SORCS3: variants seen among roughly 807,000 people sequenced by gnomAD.
SORCS3 encodes sortilin related VPS10 domain containing receptor 3, also known as VPS10 domain-containing receptor SorCS3.
Under a neutral mutation model 146.3 loss-of-function variants are expected in SORCS3, and 57 were observed. That is an observed-to-expected ratio of 0.39 (90% CI 0.31 to 0.49). The LOEUF is 0.49. SORCS3 is among the 20% of genes least tolerant of loss of function. SORCS3 has a pLI of 0.92. For missense variants in SORCS3, 1,341 were observed against 1,575.5 expected (o/e 0.85, Z 2.52); for synonymous variants, 653 against 618.5 (o/e 1.06, Z -0.83).
intron 16 of SORCS3, among the ~76,000 whole-genome samples, chr10:105,202,523 A>G (rs2056579989): frequency 6.6e-6 from 1 of 152,100 alleles, no homozygotes; most frequent in Admixed American, 6.5e-5. Flanking sequence ...ATACCCTGGC[A>G]CAGTCTAGTA....
At chr10:104,735,477 T>TTTTTTTTTTTTTTTTTTTC (rs1564671258) in intron 1 of SORCS3, among the ~76,000 whole-genome samples, 1 of 141,878 alleles carries the variant, frequency 7.0e-6, no homozygotes, top group Non-Finnish European at 1.5e-5. Context: ...TTTTTTTTTT[T>TTTTTTTTTTTTTTTTTTTC]AATCAATCCC....
intron 20 of SORCS3, among the ~76,000 whole-genome samples, chr10:105,240,756 A>G (rs2056817149): frequency 2.0e-5 from 3 of 151,934 alleles, no homozygotes; most frequent in South Asian, 4.2e-4. Context: ...TGTAATCCAA[A>G]CTTCCTGAAA....
chr10:104,686,141 C>T (rs1204084657), intron 1 of SORCS3, among the ~76,000 whole-genome samples: 2 of 152,052 alleles, frequency 1.3e-5, no homozygotes, highest in Non-Finnish European at 2.9e-5. Flanking sequence ...TCTCGCAGGC[C>T]ACCATCACTA....
At chr10:104,686,977 C>G (rs2016052066) in intron 1 of SORCS3, among the ~76,000 whole-genome samples, 1 of 152,110 alleles carries the variant, frequency 6.6e-6, no homozygotes, top group South Asian at 2.1e-4. Context: ...TTCCATTCAT[C>G]TATCCATCCA....
intron 5 of SORCS3, among the ~76,000 whole-genome samples, chr10:105,087,517 G>A (rs889153047): frequency 6.6e-5 from 10 of 150,498 alleles, no homozygotes; most frequent in African/African-American, 2.0e-4. Context: ...AAGAAACCGG[G>A]TGGCTTCAGA....
chr10:104,780,967 T>C (rs2017367621), intron 1 of SORCS3, among the ~76,000 whole-genome samples: 1 of 152,224 alleles, frequency 6.6e-6, no homozygotes, highest in African/African-American at 2.4e-5. Flanking sequence ...TTCTCTAATA[T>C]CAGAGAGTCA....
At position 105,178,166 on chromosome 10, in the gene SORCS3, A is replaced by C. The variant is rs1413331392; in HGVS notation, c.2002A>C (p.Ile668Leu). The change falls in exon 14 of 27, where the codon ATC becomes CTC. Residue 668 changes from isoleucine to leucine, a missense_variant. Transcript: ENST00000369701. ...GGTGGAGGCAGGAATGGAGACCCACATCATGACGTGAGTACTTCTTTTGCT... is the reference window on the plus strand; with the variant it reads ...GGTGGAGGCAGGAATGGAGACCCACCTCATGACGTGAGTACTTCTTTTGCT... ...ALVEAGMETHIMTVFGHFSLR... is the reference protein window; with the variant it reads ...ALVEAGMETHLMTVFGHFSLR... 1.2e-6 allele frequency: 2 copies of C among 1,610,438 alleles called. No individual in the cohort carries two copies. The highest frequency in any genetic ancestry group is 3.3e-5 in the Admixed American group (2 of 59,712).
chr10:104,695,558 T>G (rs910631100), intron 1 of SORCS3, among the ~76,000 whole-genome samples: 2 of 152,050 alleles, frequency 1.3e-5, no homozygotes, highest in Non-Finnish European at 2.9e-5. Flanking sequence ...CCTCCCAACA[T>G]GAGTTCCATT....
At chr10:104,856,814 A>C (rs936651898) in intron 2 of SORCS3, among the ~76,000 whole-genome samples, 3 of 145,008 alleles carry the variant, frequency 2.1e-5, no homozygotes, top group Non-Finnish European at 3.0e-5. Flanking sequence ...TATTAATTAT[A>C]TAAATATATA....
At chr10:105,258,819 A>C (rs1394798035) in intron 25 of SORCS3, among the ~76,000 whole-genome samples, 1 of 152,160 alleles carries the variant, frequency 6.6e-6, no homozygotes. Context: ...ACAGTGAGTC[A>C]TGCAGCTGAG....
chr10:105,050,935 C>A (rs2055406353), intron 5 of SORCS3, among the ~76,000 whole-genome samples: 2 of 151,998 alleles, frequency 1.3e-5, no homozygotes, highest in African/African-American at 4.8e-5. Flanking sequence ...TTGGGTGTGT[C>A]CTTGAAATAG....
At chr10:104,947,892 G>T (rs1269719778) in intron 3 of SORCS3, among the ~76,000 whole-genome samples, 1 of 152,140 alleles carries the variant, frequency 6.6e-6, no homozygotes. Context: ...TGGGATTATA[G>T]GTGTGAGCCA....
intron 7 of SORCS3, among the ~76,000 whole-genome samples, chr10:105,124,034 C>A (rs143660573): frequency 0.011 from 1,644 of 152,330 alleles, 12 homozygotes; most frequent in Non-Finnish European, 0.016. Flanking sequence ...TAAGCGATCT[C>A]ATGACTGGCG....
intron 20 of SORCS3, among the ~76,000 whole-genome samples, chr10:105,224,679 G>A (rs1341261615): frequency 1.3e-5 from 2 of 152,102 alleles, no homozygotes; most frequent in Non-Finnish European, 2.9e-5. Context: ...TTCCAAACTG[G>A]TTGGACCATT....
intron 13 of SORCS3, among the ~76,000 whole-genome samples, chr10:105,174,797 G>A (rs2056386504): frequency 6.6e-6 from 1 of 152,068 alleles, no homozygotes; most frequent in African/African-American, 2.4e-5. Flanking sequence ...CTCATTTCAT[G>A]TAGCAGGACC....
chr10:105,203,818 A>G (rs958430516), intron 16 of SORCS3, among the ~76,000 whole-genome samples: 2 of 152,224 alleles, frequency 1.3e-5, no homozygotes, highest in African/African-American at 4.8e-5. Context: ...CTACTGATGT[A>G]TAACATAGAA....
At chr10:104,696,158 A>G (rs556888320) in intron 1 of SORCS3, among the ~76,000 whole-genome samples, 2 of 119,874 alleles carry the variant, frequency 1.7e-5, no homozygotes, top group African/African-American at 3.2e-5. Flanking sequence ...TAATATATAT[A>G]CACATATAAT....
In SORCS3 at chr10:105,070,880, C is replaced by T. The variant is rs190447274; in HGVS notation, c.1029-18895C>T. Among the ~76,000 whole-genome samples the T allele has an allele frequency of 1.9e-3, 287 of 152,304 alleles. 1 individual carries two copies. Among genetic ancestry groups the T allele is most frequent in the Non-Finnish European group, 2.2e-3 (153 of 68,020 alleles). On this transcript the variant is annotated intron_variant, in intron 5 of 26. Coordinates refer to ENST00000369701, the MANE Select transcript of SORCS3 (RefSeq NM_014978.3). ...AATTGAAACTTCCTTCCCAGGCTTT[C>T]TAGAATCCCCCAGAGCCAGTTGTAC...
chr10:105,246,823 G>T (rs1051161728), intron 21 of SORCS3, among the ~76,000 whole-genome samples: 1 of 152,156 alleles, frequency 6.6e-6, no homozygotes, highest in African/African-American at 2.4e-5. Flanking sequence ...AGCACAATGG[G>T]TGAAGGGATT....
Sources: gnomAD v4.1 joint callset for allele counts (sites outside exome capture counted in the v4.1 genomes callset) on GRCh38, gnomAD v4.1.1 for gene constraint, MANE v1.5 for transcripts, NCBI Gene and HGNC (gene_info 2026-07-23, HGNC 2026-07-21) for gene names.